The following UBE3C variants were observed in gnomAD, a reference collection of about 807,000 sequenced individuals.
The protein encoded by UBE3C is ubiquitin-protein ligase E3C.
In UBE3C, 42 loss-of-function variants were observed where a neutral mutation model predicts 129.4. The ratio of observed to expected loss-of-function variants is 0.32; its 90% CI spans 0.25 to 0.42. The LOEUF is 0.42. Among genes scored for constraint, UBE3C ranks in the 10% least tolerant of loss-of-function variants. UBE3C has a pLI of 1.00. For synonymous variants in UBE3C, 510 were observed against 492.4 expected, an observed-to-expected ratio of 1.04 and a Z score of -0.47; for missense variants, 1,049 against 1,319.1, an observed-to-expected ratio of 0.80 and a Z score of 3.17.
intron 1 of UBE3C, among the ~76,000 whole-genome samples, chr7:157,145,221 A>AC (rs1807571390): frequency 6.6e-6 from 1 of 151,930 alleles, no homozygotes; most frequent in African/African-American, 2.4e-5. Context: ...AGCCTGGGTG[A>AC]CAGAGCATGA....
rs1796539925 is a variant in UBE3C, at chr7:157,248,597, A to G, written c.2694+17A>G. 11 of 1,611,322 alleles carry G rather than the reference A, an allele frequency of 6.8e-6. No individual in the cohort carries two copies. In the South Asian group the frequency reaches 9.9e-5, roughly 15 times the overall value. On this transcript the variant is annotated intron_variant, in intron 19 of 22. Transcript: ENST00000348165. ...GAGGCGCAGGTGAGGGGTCAGGAGG[A>G]GGATTCACATACCTGTATAGCAAGT...
At chr7:157,141,859 G>C (rs1033984907) in intron 1 of UBE3C, among the ~76,000 whole-genome samples, 2 of 152,196 alleles carry the variant, frequency 1.3e-5, no homozygotes, top group Non-Finnish European at 2.9e-5. Flanking sequence ...ATTGCCCTTT[G>C]TGTGAACGCA....
At chr7:157,157,396 G>GA (rs1017663473) in intron 1 of UBE3C, among the ~76,000 whole-genome samples, 7 of 152,144 alleles carry the variant, frequency 4.6e-5, no homozygotes, top group African/African-American at 1.7e-4. Flanking sequence ...AGAACAAGAT[G>GA]AAAAGATAAT....
intron 9 of UBE3C, among the ~76,000 whole-genome samples, chr7:157,184,514 T>C (rs1383246071): frequency 1.3e-5 from 2 of 152,222 alleles, no homozygotes; most frequent in African/African-American, 4.8e-5. Flanking sequence ...AACTTTAAAA[T>C]TATATATACA....
intron 1 of UBE3C, among the ~76,000 whole-genome samples, 155 bp downstream of exon 1, chr7:157,139,493 G>C (rs908963623): frequency 2.2e-4 from 33 of 151,468 alleles, no homozygotes; most frequent in African/African-American, 7.7e-4. Context: ...TTCCTCGCCG[G>C]ATCTCGGGGC....
At chr7:157,166,643 G>A (rs1277307401) in intron 2 of UBE3C, among the ~76,000 whole-genome samples, 2 of 151,468 alleles carry the variant, frequency 1.3e-5, no homozygotes, top group Non-Finnish European at 2.9e-5. Flanking sequence ...GGGAGCCTGA[G>A]GCAGGAGAAT....
intron 10 of UBE3C, among the ~76,000 whole-genome samples, chr7:157,188,556 GA>G (rs1380490695): frequency 6.6e-6 from 1 of 152,220 alleles, no homozygotes; most frequent in African/African-American, 2.4e-5. Context: ...CATTGCTGTG[GA>G]TGGTAATTGC....
At position 157,152,577 on chromosome 7, in the gene UBE3C, T is replaced by G. The variant is rs554689127; in HGVS notation, c.67-11233T>G. Among the ~76,000 whole-genome samples, 5 of 152,310 alleles carry G rather than the reference T, an allele frequency of 3.3e-5. No homozygotes were observed. In the South Asian group the frequency reaches 8.3e-4, roughly 25 times the overall value. On this transcript the variant is annotated intron_variant, in intron 1 of 22. Transcript: ENST00000348165. ...GTTCTCCTGCAGGGCACTTTTCGTT[T>G]ATGAGCTCATTGATCTCGACTTCTG...
chr7:157,210,177 A>T (rs1809552030), intron 13 of UBE3C, among the ~76,000 whole-genome samples: 1 of 152,048 alleles, frequency 6.6e-6, no homozygotes, highest in South Asian at 2.1e-4. Context: ...TCTCTCTCCA[A>T]AAAAAAAGAG....
intron 5 of UBE3C, among the ~76,000 whole-genome samples, chr7:157,175,540 T>C (rs1351407927): frequency 6.6e-6 from 1 of 152,238 alleles, no homozygotes; most frequent in Non-Finnish European, 1.5e-5. Context: ...ATTACCTGAA[T>C]ATAACACCTT....
At chr7:157,220,637 A>G in intron 14 of UBE3C, 52 bp from the exon 15 acceptor site, 2 of 1,607,456 alleles carry the variant, frequency 1.2e-6, no homozygotes, top group Admixed American at 3.3e-5. Flanking sequence ...TGATCAGGTC[A>G]AAGTGTGTGC....
At chr7:157,191,836 A>G (rs1174531498) in intron 10 of UBE3C, among the ~76,000 whole-genome samples, 1 of 152,196 alleles carries the variant, frequency 6.6e-6, no homozygotes, top group African/African-American at 2.4e-5. Flanking sequence ...AAGTTTTTAT[A>G]ATATTTTGGA....
intron 18 of UBE3C, among the ~76,000 whole-genome samples, chr7:157,238,274 C>T (rs6961953): frequency 0.14 from 20,978 of 152,004 alleles, 4,154 homozygotes; most frequent in African/African-American, 0.44. Context: ...GGACTCCTGG[C>T]GTCACCAGCA....
intron 6 of UBE3C, among the ~76,000 whole-genome samples, chr7:157,180,253 G>A (rs1411076015): frequency 1.3e-5 from 2 of 152,148 alleles, no homozygotes; most frequent in African/African-American, 2.4e-5. Context: ...TTTAACATTT[G>A]CAACAGAACC....
intron 22 of UBE3C, 84 bp downstream of exon 22, chr7:157,257,128 C>A: frequency 1.3e-6 from 2 of 1,533,722 alleles, no homozygotes; most frequent in South Asian, 1.2e-5. Context: ...TAAATGAAGT[C>A]CTTTTACATA....
intron 19 of UBE3C, among the ~76,000 whole-genome samples, chr7:157,251,117 G>A (rs915039630): frequency 3.9e-5 from 6 of 152,190 alleles, no homozygotes; most frequent in African/African-American, 1.4e-4. Context: ...CACTAGTGAA[G>A]CACCTAATTT....
intron 18 of UBE3C, among the ~76,000 whole-genome samples, chr7:157,242,377 G>A (rs1164723864): frequency 6.6e-6 from 1 of 152,186 alleles, no homozygotes; most frequent in African/African-American, 2.4e-5. Context: ...CTCAAGAGGT[G>A]GCTCGACAGA....
At chr7:157,167,140 A>G (rs192276911) in intron 2 of UBE3C, among the ~76,000 whole-genome samples, 3 of 152,300 alleles carry the variant, frequency 2.0e-5, no homozygotes, top group Non-Finnish European at 2.9e-5. Context: ...CATGTTGGCC[A>G]GGCTGGTCTG....
chr7:157,220,752 G>A lies in UBE3C; in HGVS notation c.1978G>A (p.Gly660Ser). 6.2e-7 allele frequency: 1 copy of A among 1,614,152 alleles called. No individual in the cohort carries two copies. Among genetic ancestry groups the A allele is most frequent in the Non-Finnish European group, 8.5e-7 (1 of 1,180,002 alleles). ...VWRFRRMGRIGPLQSTLDVGL... is the reference protein window; with the variant it reads ...VWRFRRMGRISPLQSTLDVGL... ...GAGGTTCCGGCGGATGGGGAGGATA[G>A]GCCCGCTGCAGTCCACCCTGGACGG... The change falls in exon 15 of 23, where the codon GGC (glycine) becomes AGC (serine). Residue 660 changes from glycine (G) to serine (S), a missense_variant. Gly to Ser is a moderately conservative substitution (Grantham distance 56). Around this residue, in one of 4 missense-constraint regions of UBE3C, gnomAD observed 314 missense variants for 416.9 expected, o/e 0.75. Coordinates refer to ENST00000348165, the MANE Select transcript of UBE3C (RefSeq NM_014671.3).
Sources: gnomAD v4.1 joint callset for allele counts (sites outside exome capture counted in the v4.1 genomes callset) on GRCh38, gnomAD v4.1.1 for gene constraint, gnomAD v4.1.1 regional missense constraint, MANE v1.5 for transcripts, NCBI Gene and HGNC (gene_info 2026-07-23, HGNC 2026-07-21) for gene names.